Variants in PCDHGA12 observed in about 807,000 individuals in gnomAD.
PCDHGA12 encodes the protein protocadherin gamma subfamily A, 12, also known as protocadherin gamma-A12.
A neutral mutation model predicts 61.1 loss-of-function variants in PCDHGA12; 43 were observed. The ratio of observed to expected loss-of-function variants is 0.70; its 90% CI spans 0.55 to 0.91. The LOEUF (loss-of-function observed/expected upper bound fraction) is 0.91. Ranked by LOEUF, PCDHGA12 falls within the 40% of genes least tolerant of loss-of-function variation. The pLI is 0.00. For synonymous variants in PCDHGA12, 520 were observed against 542.9 expected, an observed-to-expected ratio of 0.96 and a Z score of 0.59; for missense variants, 1,236 against 1,227.7, an observed-to-expected ratio of 1.01 and a Z score of -0.10.
intron 1 of PCDHGA12, chr5:141,478,477 C>T: frequency 6.2e-7 from 1 of 1,613,796 alleles, no homozygotes; most frequent in Non-Finnish European, 8.5e-7. Flanking sequence ...GCCGCCAGAA[C>T]ACGCTGCGGA....
At position 141,431,513 on chromosome 5, in the gene PCDHGA12, C is replaced by A. The variant is rs1468442248; in HGVS notation, c.754C>A (p.Pro252Thr). ...TCAGCCCGAGTACCGCGCGAGCGTT[C>A]CGGAGAATCTGGCCTTGGGCACGCA... is the stretch of plus-strand genomic sequence containing the variant. ...FAQPEYRASV[P>T]ENLALGTQLL... The change falls in exon 1 of 4, where the codon CCG becomes ACG. Residue 252 changes from proline to threonine, a missense_variant. By Grantham distance (38) the Pro-to-Thr change is conservative. Transcript: ENST00000252085. The surrounding 1 kb of genome is among the most constrained non-coding windows in gnomAD (Gnocchi z 4.8). 1 of 1,614,022 alleles carries A rather than the reference C, an allele frequency of 6.2e-7. No individual in the cohort carries two copies. The highest frequency in any genetic ancestry group is 1.7e-5 in the Admixed American group (1 of 60,032).
chr5:141,497,131 A>G (rs1269110126), intron 2 of PCDHGA12, among the ~76,000 whole-genome samples: 3 of 152,122 alleles, frequency 2.0e-5, no homozygotes, highest in Admixed American at 6.6e-5. Flanking sequence ...GGTTGCAGTG[A>G]GCTGAGATCA....
rs1216840918 is a variant in PCDHGA12, at chr5:141,476,285, G to C, written c.2425-18522G>C. The C allele has an allele frequency of 1.2e-6, 2 of 1,614,036 alleles. No individual in the cohort carries two copies. The highest frequency in any genetic ancestry group is 1.7e-6 in the Non-Finnish European group (2 of 1,180,032). ...CAACGTGGTCGCGAACCTTGGTTTG[G>C]ATCTCGGTAGCCTCTCAGCCCGCAG... On this transcript the variant is annotated intron_variant, in intron 1 of 3. Coordinates refer to ENST00000252085, the MANE Select transcript of PCDHGA12 (RefSeq NM_003735.3). This position sits in a 1 kb window ranked among gnomAD's most constrained non-coding sequence, Gnocchi z 7.6.
At position 141,491,770 on chromosome 5, in the gene PCDHGA12, G is replaced by C. The variant is rs1230581925; in HGVS notation, c.2425-3037G>C. 1 of 1,560,888 alleles carries C rather than the reference G, an allele frequency of 6.4e-7. No individual in the cohort carries two copies. Among genetic ancestry groups the C allele is most frequent in the Non-Finnish European group, 8.7e-7 (1 of 1,154,942 alleles). On this transcript the variant is annotated intron_variant, in intron 1 of 3. Coordinates refer to ENST00000252085, the MANE Select transcript of PCDHGA12 (RefSeq NM_003735.3). This position sits in a 1 kb window ranked among gnomAD's most constrained non-coding sequence, Gnocchi z 6.9. ...TGGAGAAGCCGCCCGTCCTCATAAG[G>C]GATTGAACTTGCATCCACTCCTCTC...
intron 1 of PCDHGA12, among the ~76,000 whole-genome samples, chr5:141,455,899 ATTT>A (rs1561962776): frequency 1.3e-5 from 2 of 148,258 alleles, no homozygotes; most frequent in Non-Finnish European, 3.0e-5. Flanking sequence ...TTATTTATTT[ATTT>A]ATTTATTTAT....
chr5:141,431,376 CT>C lies in PCDHGA12; in HGVS notation c.618del (p.Ala207LeufsTer24). The C allele has an allele frequency of 1.2e-6, 2 of 1,613,436 alleles. No individual in the cohort carries two copies. The highest frequency in any genetic ancestry group is 1.7e-6 in the Non-Finnish European group (2 of 1,179,562). On this transcript the variant is annotated frameshift_variant, in exon 1 of 4. Transcript: ENST00000252085. LOFTEE classifies it high-confidence loss of function. This position sits in a 1 kb window ranked among gnomAD's most constrained non-coding sequence, Gnocchi z 4.8. ...LKRALDREEK[A>X]AHHLVLTASD... ...CGCGCCCTGGACCGCGAAGAAAAGG[CT>C]GCTCACCACCTGGTCCTTACGGCCT...
At position 141,491,458 on chromosome 5, in the gene PCDHGA12, G is replaced by T. The variant is rs867069360; in HGVS notation, c.2425-3349G>T. 1.9e-6 allele frequency: 3 copies of T among 1,613,974 alleles called. No homozygotes were observed. The highest frequency in any genetic ancestry group is 1.6e-4 in the Middle Eastern group (1 of 6,084). On this transcript the variant is annotated intron_variant, in intron 1 of 3. Coordinates refer to ENST00000252085, the MANE Select transcript of PCDHGA12 (RefSeq NM_003735.3). This position sits in a 1 kb window ranked among gnomAD's most constrained non-coding sequence, Gnocchi z 6.9. ...CAGGCGCCAGGACTCACCCTCCCCGGACTTCTATAAGCAGTCCAGCCCCAA... is the reference window on the plus strand; with the variant it reads ...CAGGCGCCAGGACTCACCCTCCCCGTACTTCTATAAGCAGTCCAGCCCCAA...
Position 141,491,754 on chromosome 5 carries a change from C to T in PCDHGA12, c.2425-3053C>T. ...CCCCTGGGGGCGGCACTGGAGAAGC[C>T]GCCCGTCCTCATAAGGGATTGAACT... On this transcript the variant is annotated intron_variant, in intron 1 of 3. Transcript: ENST00000252085. The surrounding 1 kb of genome is among the most constrained non-coding windows in gnomAD (Gnocchi z 6.9). 5.7e-6 allele frequency: 9 copies of T among 1,582,682 alleles called. No individual in the cohort carries two copies. The highest frequency in any genetic ancestry group is 7.7e-6 in the Non-Finnish European group (9 of 1,165,614).
chr5:141,490,288 G>T lies in PCDHGA12; in HGVS notation c.2425-4519G>T, dbSNP rs2099698282. 1.2e-6 allele frequency: 2 copies of T among 1,614,080 alleles called. No homozygotes were observed. Among genetic ancestry groups the T allele is most frequent in the South Asian group, 1.1e-5 (1 of 91,092 alleles). On this transcript the variant is annotated intron_variant, in intron 1 of 3. Transcript: ENST00000252085. This position sits in a 1 kb window ranked among gnomAD's most constrained non-coding sequence, Gnocchi z 5.4. ...GGATGTCAATGACAATGCCCCAGAG[G>T]TGCTATTGGCCTCTTTGGCCAACCC...
intron 1 of PCDHGA12, among the ~76,000 whole-genome samples, chr5:141,457,698 G>C (rs1008393847): frequency 7.9e-5 from 12 of 152,234 alleles, no homozygotes; most frequent in Admixed American, 5.2e-4. Flanking sequence ...GATTGGCTTT[G>C]ATGAAACACT....
intron 1 of PCDHGA12, among the ~76,000 whole-genome samples, chr5:141,466,225 C>A (rs925594512): frequency 2.0e-5 from 3 of 152,028 alleles, no homozygotes; most frequent in Admixed American, 6.6e-5. Flanking sequence ...GGCTGGAGTG[C>A]AGTGGCACCA....
At position 141,493,157 on chromosome 5, in the gene PCDHGA12, T is replaced by C. The variant is rs1261889479; in HGVS notation, c.2425-1650T>C. ...TTGAAACACCCCCAGGTGATTTTGATAGCTGATTGAGAGAAACTTACTATA... is the reference window on the plus strand; with the variant it reads ...TTGAAACACCCCCAGGTGATTTTGACAGCTGATTGAGAGAAACTTACTATA... On this transcript the variant is annotated intron_variant, in intron 1 of 3. Coordinates refer to ENST00000252085, the MANE Select transcript of PCDHGA12 (RefSeq NM_003735.3). This position sits in a 1 kb window ranked among gnomAD's most constrained non-coding sequence, Gnocchi z 4.3. 2.0e-5 allele frequency among the ~76,000 whole-genome samples: 3 copies of C among 152,224 alleles called. No individual in the cohort carries two copies. Among genetic ancestry groups the C allele is most frequent in the Admixed American group, 6.5e-5 (1 of 15,286 alleles).
intron 1 of PCDHGA12, among the ~76,000 whole-genome samples, chr5:141,483,164 T>C (rs1051456583): frequency 1.1e-4 from 17 of 152,148 alleles, no homozygotes; most frequent in Non-Finnish European, 2.5e-4. Context: ...AGATCCTGAG[T>C]TACCTTTGGG....
Position 141,490,809 on chromosome 5 carries a change from C to T in PCDHGA12, c.2425-3998C>T. On this transcript the variant is annotated intron_variant, in intron 1 of 3. Transcript: ENST00000252085. The surrounding 1 kb of genome is among the most constrained non-coding windows in gnomAD (Gnocchi z 5.4). Reference sequence around the variant, plus strand: ...GGATCTTTGCCCAGCGTACCTTTGACTATGAATTGCTGCAGATGCTGCAGA... The same window carrying T: ...GGATCTTTGCCCAGCGTACCTTTGATTATGAATTGCTGCAGATGCTGCAGA... 2 of 1,613,954 alleles carry T rather than the reference C, an allele frequency of 1.2e-6. No individual in the cohort carries two copies. Among genetic ancestry groups the T allele is most frequent in the South Asian group, 2.2e-5 (2 of 91,076 alleles).
At chr5:141,505,532 G>A in intron 3 of PCDHGA12, 51 bp downstream of exon 3, 2 of 1,611,270 alleles carry the variant, frequency 1.2e-6, no homozygotes, top group Non-Finnish European at 1.7e-6. Context: ...GGGGTTCTGG[G>A]GTGCATCTCA....
In PCDHGA12 at chr5:141,491,893, G is replaced by C. The variant is rs2099734820; in HGVS notation, c.2425-2914G>C. The C allele has an allele frequency of 6.9e-7, 1 of 1,438,856 alleles. No individual in the cohort carries two copies. The highest frequency in any genetic ancestry group is 9.2e-7 in the Non-Finnish European group (1 of 1,088,104). 89.1% of individuals were successfully genotyped at this position (1,438,856 alleles called of 1,614,324 possible). A position where few individuals can be genotyped will look rare whatever the true frequency, so the allele number is the denominator to read the frequency against. ...GGCCGATTAAGGGATGGGGCTCCGA[G>C]CACCGGGGGTGGTGGCGACTGTGGG... On this transcript the variant is annotated intron_variant, in intron 1 of 3. Coordinates refer to ENST00000252085, the MANE Select transcript of PCDHGA12 (RefSeq NM_003735.3). The surrounding 1 kb of genome is among the most constrained non-coding windows in gnomAD (Gnocchi z 6.9).
At chr5:141,459,806 A>G (rs2154566682) in intron 1 of PCDHGA12, among the ~76,000 whole-genome samples, 1 of 152,342 alleles carries the variant, frequency 6.6e-6, no homozygotes, top group African/African-American at 2.4e-5. Flanking sequence ...CCTGTTGACT[A>G]GAGACACTGA....
intron 1 of PCDHGA12, among the ~76,000 whole-genome samples, chr5:141,433,573 C>T (rs1400327372): frequency 1.3e-5 from 2 of 152,046 alleles, no homozygotes; most frequent in Admixed American, 1.3e-4. Flanking sequence ...CGGTGGCTCA[C>T]GCCTGTAATC....
In PCDHGA12 at chr5:141,490,211, ACCAGGGACAG is replaced by A. The variant is rs1259297201; in HGVS notation, c.2425-4593_2425-4584del. 1 of 1,614,212 alleles carries A rather than the reference ACCAGGGACAG, an allele frequency of 6.2e-7. No individual in the cohort carries two copies. ...TATGAAATTCATGCAAGAGCCCGTG[ACCAGGGACAG>A]CCTGCCATGGAGGGCCACTGTGTGA... is the stretch of plus-strand genomic sequence containing the variant. On this transcript the variant is annotated intron_variant, in intron 1 of 3. Transcript: ENST00000252085. The surrounding 1 kb of genome is among the most constrained non-coding windows in gnomAD (Gnocchi z 5.4).
Sources: allele counts gnomAD v4.1 joint callset (sites outside exome capture counted in the v4.1 genomes callset), GRCh38; gene constraint gnomAD v4.1.1; non-coding constraint Gnocchi (gnomAD v3.1); transcripts MANE v1.5; gene names NCBI Gene and HGNC (gene_info 2026-07-23, HGNC 2026-07-21).